The following KCNQ3 variants were observed in gnomAD, a reference collection of about 807,000 sequenced individuals.
The protein encoded by KCNQ3 is potassium voltage-gated channel subfamily Q member 3.
KCNQ3 carries 30 observed loss-of-function variants against 92.5 expected under a neutral mutation model. That is an observed-to-expected ratio of 0.32 (90% CI 0.24 to 0.44). KCNQ3 has a LOEUF of 0.44. KCNQ3 is among the 20% of genes least tolerant of loss of function. KCNQ3 has a pLI of 1.00. For synonymous variants in KCNQ3, 450 were observed against 468.8 expected, an observed-to-expected ratio of 0.96 and a Z score of 0.52; for missense variants, 913 against 1,140.3, an observed-to-expected ratio of 0.80 and a Z score of 2.87.
chr8:132,260,243 GT>G (rs1433815612), intron 1 of KCNQ3, among the ~76,000 whole-genome samples: 1 of 152,126 alleles, frequency 6.6e-6, no homozygotes, highest in Non-Finnish European at 1.5e-5. Context: ...TCATGATAAT[GT>G]TTTCTGTATT....
intron 1 of KCNQ3, among the ~76,000 whole-genome samples, chr8:132,442,034 A>G (rs1324765475): frequency 6.6e-6 from 1 of 152,188 alleles, no homozygotes; most frequent in Admixed American, 6.5e-5. Context: ...TTGAGAATAC[A>G]TGGACACACA....
At chr8:132,369,512 G>A (rs1056285509) in intron 1 of KCNQ3, among the ~76,000 whole-genome samples, 7 of 151,646 alleles carry the variant, frequency 4.6e-5, no homozygotes, top group African/African-American at 1.7e-4. Flanking sequence ...GCTGGGTCAG[G>A]GAGTATAAAA....
rs538627649 is a variant in KCNQ3, at chr8:132,125,317, T to C, written c.*3945A>G. 6.6e-6 allele frequency: 1 copy of C among 152,344 alleles called. No homozygotes were observed. Among genetic ancestry groups the C allele is most frequent in the African/African-American group, 2.4e-5 (1 of 41,566 alleles). The allele number at this position is 152,344 out of a possible 1,614,324, so 9.4% of individuals were successfully genotyped here. On this transcript the variant is annotated 3_prime_UTR_variant, in exon 15 of 15. Transcript: ENST00000388996. The stretch of plus-strand genomic sequence containing the variant: ...TCTCATTTTCATGTTCAATTTTCTA[T>C]AGTTTCCAAGCTAGGAAGCATTTCT...
chr8:132,474,929 C>T (rs72723128), intron 1 of KCNQ3, among the ~76,000 whole-genome samples: 10,783 of 152,196 alleles, frequency 0.071, 395 homozygotes, highest in Middle Eastern at 0.092. Context: ...TTGTAATCCC[C>T]ACATGTTTCC....
intron 1 of KCNQ3, among the ~76,000 whole-genome samples, chr8:132,292,488 A>G (rs1044157550): frequency 2.6e-5 from 4 of 152,168 alleles, no homozygotes; most frequent in African/African-American, 9.7e-5. Context: ...CACATTACAA[A>G]TGTTTGTGGG....
At chr8:132,193,591 A>G (rs1827222389) in intron 1 of KCNQ3, among the ~76,000 whole-genome samples, 1 of 152,220 alleles carries the variant, frequency 6.6e-6, no homozygotes, top group Admixed American at 6.5e-5. Flanking sequence ...GCCTGCTGGA[A>G]GTAAGAGTTA....
At chr8:132,268,846 C>T (rs1460263769) in intron 1 of KCNQ3, among the ~76,000 whole-genome samples, 1 of 152,186 alleles carries the variant, frequency 6.6e-6, no homozygotes, top group Non-Finnish European at 1.5e-5. Flanking sequence ...GCATTCCCAC[C>T]AGTGAGAAAT....
chr8:132,319,519 G>A (rs537818112), intron 1 of KCNQ3, among the ~76,000 whole-genome samples: 18 of 152,308 alleles, frequency 1.2e-4, no homozygotes, highest in African/African-American at 4.1e-4. Flanking sequence ...GATCAGAACA[G>A]AGACCAAAGG....
intron 1 of KCNQ3, chr8:132,447,242 A>C: frequency 2.0e-6 from 3 of 1,535,680 alleles, no homozygotes; most frequent in Non-Finnish European, 2.6e-6. Context: ...AATGAATGCA[A>C]GAACAAGATT....
At chr8:132,181,333 TG>T (rs1586807286) in intron 3 of KCNQ3, among the ~76,000 whole-genome samples, 1 of 152,286 alleles carries the variant, frequency 6.6e-6, no homozygotes, top group East Asian at 1.9e-4. Flanking sequence ...CAAGTAAATT[TG>T]GGGAAAAACT....
intron 9 of KCNQ3, among the ~76,000 whole-genome samples, chr8:132,153,380 A>G (rs1340115309): frequency 1.3e-5 from 2 of 152,200 alleles, no homozygotes; most frequent in African/African-American, 2.4e-5. Flanking sequence ...TTGTTAGAGA[A>G]GGACTCAATT....
chr8:132,332,584 C>A (rs1818261165), intron 1 of KCNQ3, among the ~76,000 whole-genome samples: 1 of 152,188 alleles, frequency 6.6e-6, no homozygotes, highest in Non-Finnish European at 1.5e-5. Context: ...TCTCAGTTTT[C>A]TTCACTCCTA....
At chr8:132,392,916 CT>C (rs1160804979) in intron 1 of KCNQ3, among the ~76,000 whole-genome samples, 3 of 150,880 alleles carry the variant, frequency 2.0e-5, no homozygotes, top group African/African-American at 7.4e-5. Flanking sequence ...AAGTTTAAAC[CT>C]TTTTCTTTTT....
chr8:132,135,303 A>G (rs765915381), intron 12 of KCNQ3, among the ~76,000 whole-genome samples: 1 of 151,666 alleles, frequency 6.6e-6, no homozygotes, highest in East Asian at 1.9e-4. Flanking sequence ...TTCCTGCTCT[A>G]TGCCTGGACC....
intron 1 of KCNQ3, among the ~76,000 whole-genome samples, chr8:132,463,496 C>G (rs1181595864): frequency 6.6e-6 from 1 of 152,222 alleles, no homozygotes; most frequent in Non-Finnish European, 1.5e-5. Flanking sequence ...CTCTCTAGAT[C>G]TCTTTTTCCC....
At position 132,174,281 on chromosome 8, in the gene KCNQ3, G is replaced by A. The variant is rs1177391148; in HGVS notation, c.1002C>T (p.Ala334=). The change falls in exon 6 of 15, where the codon GCC becomes GCT. Residue 334 remains alanine, a synonymous_variant. Coordinates refer to ENST00000388996, the MANE Select transcript of KCNQ3 (RefSeq NM_004519.4). ...AGGAGACGCCAATTAAGGAAAAGGT[G>A]GCGGCAATCAGACGGCCTTCCCACG... is the stretch of plus-strand genomic sequence containing the variant. ...PKTWEGRLIA[A]TFSLIGVSFF... 9 of 1,551,900 alleles carry A rather than the reference G, an allele frequency of 5.8e-6. No individual in the cohort carries two copies. The highest frequency in any genetic ancestry group is 1.4e-5 in the African/African-American group (1 of 73,052).
At chr8:132,419,647 C>T (rs1458020855) in intron 1 of KCNQ3, among the ~76,000 whole-genome samples, 1 of 152,170 alleles carries the variant, frequency 6.6e-6, no homozygotes, top group African/African-American at 2.4e-5. Flanking sequence ...AAAATGAGAA[C>T]TGTTTTCTAT....
chr8:132,216,771 C>T (rs1162102874), intron 1 of KCNQ3, among the ~76,000 whole-genome samples: 1 of 152,120 alleles, frequency 6.6e-6, no homozygotes, highest in African/African-American at 2.4e-5. Flanking sequence ...CTTATTAGCT[C>T]ATAGTCCTCT....
chr8:132,276,419 C>T (rs1322547212), intron 1 of KCNQ3, among the ~76,000 whole-genome samples: 7 of 152,118 alleles, frequency 4.6e-5, no homozygotes, highest in Non-Finnish European at 8.8e-5. Flanking sequence ...GGCTCTGTTC[C>T]TAACCAGGGA....
Sources: gnomAD v4.1 joint callset for allele counts (sites outside exome capture counted in the v4.1 genomes callset) on GRCh38, gnomAD v4.1.1 for gene constraint, MANE v1.5 for transcripts, NCBI Gene and HGNC (gene_info 2026-07-23, HGNC 2026-07-21) for gene names.